The following AARS1 variants were observed in gnomAD, a reference collection of about 807,000 sequenced individuals.
AARS1 encodes alanyl-tRNA synthetase 1, also known as alanine--tRNA ligase, cytoplasmic.
In AARS1, 72 loss-of-function variants were observed where a neutral mutation model predicts 108.9. That is an observed-to-expected ratio of 0.66 (90% confidence interval 0.55 to 0.80). The LOEUF is 0.80. Ranked by LOEUF, AARS1 falls within the 30% of genes least tolerant of loss-of-function variation. The probability of loss-of-function intolerance (pLI) is 0.00; values close to 1 mark genes in which losing one functional copy is unlikely to be tolerated. For synonymous variants in AARS1, 489 were observed against 465.7 expected (o/e 1.05, Z -0.64); for missense variants, 1,193 against 1,233.2 (o/e 0.97, Z 0.49).
At chr16:70,258,721 A>G (rs1030028841) in intron 14 of AARS1, among the ~76,000 whole-genome samples, 2 of 152,246 alleles carry the variant, frequency 1.3e-5, no homozygotes, top group East Asian at 3.9e-4. Flanking sequence ...GCCCGCCACC[A>G]CGCCCGGCTA....
intron 12 of AARS1, 181 bp from the exon 13 acceptor site, chr16:70,261,338 G>A: frequency 2.1e-6 from 1 of 475,836 alleles, no homozygotes; most frequent in Non-Finnish European, 3.9e-6. Context: ...GCTCATGACT[G>A]TAATCCCAGC....
At chr16:70,286,303 G>A (rs1280147542) in intron 1 of AARS1, among the ~76,000 whole-genome samples, 1 of 152,000 alleles carries the variant, frequency 6.6e-6, no homozygotes, top group African/African-American at 2.4e-5. Context: ...CTTACTAACA[G>A]GAGCTGTAAA....
Position 70,265,206 on chromosome 16 carries a change from G to A in AARS1, c.1348-104C>T, listed in dbSNP as rs942195655. The A allele has an allele frequency of 2.8e-5, 41 of 1,440,298 alleles. No individual in the cohort carries two copies. The Admixed American group carries it at 6.6e-4, about 23-fold the overall frequency. 89.2% of individuals were successfully genotyped at this position (1,440,298 alleles called of 1,614,324 possible). ...ATGCCCAGCATAAACTGCCAGAACA[G>A]GGTTTTTCAATCCTGGCACTACTGA... On this transcript the variant is annotated intron_variant, in intron 10 of 20. Transcript: ENST00000261772.
Position 70,252,684 on chromosome 16 carries a change from G to C in AARS1, c.*37C>G. The C allele has an allele frequency of 6.2e-7, 1 of 1,609,336 alleles. No individual in the cohort carries two copies. Among genetic ancestry groups the C allele is most frequent in the Non-Finnish European group, 8.5e-7 (1 of 1,176,784 alleles). On this transcript the variant is annotated 3_prime_UTR_variant, in exon 21 of 21. Coordinates refer to ENST00000261772, the MANE Select transcript of AARS1 (RefSeq NM_001605.3). Reference sequence around the variant, plus strand: ...GTAGCAGATGAAGAGCTCTTGGCTGGACGGATGGATCCAGTGGGAGCCTCC... The same window carrying C: ...GTAGCAGATGAAGAGCTCTTGGCTGCACGGATGGATCCAGTGGGAGCCTCC...
chr16:70,255,766 G>T lies in AARS1; in HGVS notation c.2248C>A (p.Arg750=), dbSNP rs751300562. ...GCACCTGTGACAGCCACAATCCTCC[G>T]GATACCCTTGGCAATGGCTTCTTCC... ...VTEEAIAKGI[R]RIVAVTGAEA... is the part of the protein sequence containing the mutation. Residue 750 remains arginine (R), a synonymous_variant, in exon 16 of 21, where the codon CGG becomes AGG. Coordinates refer to ENST00000261772, the MANE Select transcript of AARS1 (RefSeq NM_001605.3). 2.5e-6 allele frequency: 4 copies of T among 1,614,024 alleles called. No homozygotes were observed. In the African/African-American group the frequency reaches 4.0e-5, roughly 16 times the overall value.
In AARS1 at chr16:70,269,676, C is replaced by T. The variant is rs576221121; in HGVS notation, c.904G>A (p.Ala302Thr). The change falls in exon 7 of 21, where the codon GCT becomes ACT. Residue 302 changes from alanine to threonine, a missense_variant. Coordinates refer to ENST00000261772, the MANE Select transcript of AARS1 (RefSeq NM_001605.3). ...DMAYRVLADH[A>T]RTITVALADG... ...GCCAGTGCCACAGTGATGGTCCGAG[C>T]GTGGTCAGCCAGCACCCGGTAGGCC... 3.3e-4 allele frequency: 527 copies of T among 1,614,148 alleles called. 12 individuals carry two copies. The South Asian group carries it at 4.7e-3, about 14-fold the overall frequency.
Position 70,253,981 on chromosome 16 carries a change from TGA to T in AARS1, c.2456_2457del (p.Leu819GlnfsTer9), listed in dbSNP as rs751129112. 2 of 1,614,156 alleles carry T rather than the reference TGA, an allele frequency of 1.2e-6. No individual in the cohort carries two copies. Among genetic ancestry groups the T allele is most frequent in the Non-Finnish European group, 1.7e-6 (2 of 1,180,032 alleles). On this transcript the variant is annotated frameshift_variant, in exon 18 of 21. Transcript: ENST00000261772. LOFTEE classifies it high-confidence loss of function. The part of the protein sequence containing the change: ...QWQKDELRET[L>X]KSLKKVMDDL... ...TCATCCATGACCTTCTTTAGGGATT[TGA>T]GAGTCTCCCGCAATTCATCCTTCTG...
chr16:70,260,811 T>C (rs1960114174), intron 13 of AARS1, among the ~76,000 whole-genome samples: 1 of 152,016 alleles, frequency 6.6e-6, no homozygotes, highest in African/African-American at 2.4e-5. Context: ...TATAGGCGCC[T>C]GCCACCACGC....
At chr16:70,283,333 G>T (rs1331866602) in intron 1 of AARS1, among the ~76,000 whole-genome samples, 2 of 151,758 alleles carry the variant, frequency 1.3e-5, no homozygotes, top group African/African-American at 4.8e-5. Flanking sequence ...GGAGGTGGAG[G>T]TTGCAGTGAG....
intron 4 of AARS1, 67 bp from the exon 5 acceptor site, chr16:70,272,039 A>G: frequency 4.7e-6 from 7 of 1,479,290 alleles, no homozygotes; most frequent in Non-Finnish European, 6.6e-6. Context: ...ACTTGCAACC[A>G]CCGCAAAAGA....
chr16:70,269,112 T>C (rs1402932665), intron 7 of AARS1, among the ~76,000 whole-genome samples: 2 of 150,886 alleles, frequency 1.3e-5, no homozygotes, highest in African/African-American at 2.4e-5. Context: ...TCACCTGAGG[T>C]TGGGAGTTTG....
intron 16 of AARS1, among the ~76,000 whole-genome samples, chr16:70,255,482 G>A (rs1319610427): frequency 6.6e-6 from 1 of 152,152 alleles, no homozygotes; most frequent in Admixed American, 6.5e-5. Context: ...ACAGGCGTGA[G>A]CCACTGCGTC....
At chr16:70,276,842 AT>A in intron 3 of AARS1, 123 bp downstream of exon 3, 1 of 1,253,472 alleles carries the variant, frequency 8.0e-7, no homozygotes, top group Non-Finnish European at 1.1e-6. Context: ...AATAAATGCC[AT>A]TCATTCCTGA....
At position 70,259,183 on chromosome 16, in the gene AARS1, G is replaced by C. The variant is rs768830699; in HGVS notation, c.1789C>G (p.Arg597Gly). The change falls in exon 14 of 21, where the codon CGA becomes GGA. Residue 597 changes from arginine to glycine, a missense_variant. By Grantham distance (125) the Arg-to-Gly change is moderately radical. Coordinates refer to ENST00000261772, the MANE Select transcript of AARS1 (RefSeq NM_001605.3). ...DQVWLFIDEP[R>G]RRPIMSNHTA... ...TGGTTGCTCATGATGGGTCTTCGTC[G>C]GGGCTGGAAAGGGCAGAGGGGCTCA... The C allele has an allele frequency of 1.2e-6, 2 of 1,613,940 alleles. No individual in the cohort carries two copies. The highest frequency in any genetic ancestry group is 1.7e-6 in the Non-Finnish European group (2 of 1,180,002).
chr16:70,265,509 G>C (rs771468162), intron 10 of AARS1, 29 bp downstream of exon 10: 4 of 1,613,384 alleles, frequency 2.5e-6, no homozygotes, highest in Non-Finnish European at 3.4e-6. Context: ...AAGGTGTTGG[G>C]TTTCCTGTTC....
In AARS1 at chr16:70,281,033, T is replaced by C. The variant is rs944044001; in HGVS notation, c.144+1587A>G. On this transcript the variant is annotated intron_variant, in intron 2 of 20. Transcript: ENST00000261772. ...TAATAAGAGACAGGGTTTCACCATGTTGCCTAGGCTGGTCTCGAACTTCTG... is the reference window on the plus strand; with the variant it reads ...TAATAAGAGACAGGGTTTCACCATGCTGCCTAGGCTGGTCTCGAACTTCTG... 3.9e-5 allele frequency among the ~76,000 whole-genome samples: 6 copies of C among 152,276 alleles called. No individual in the cohort carries two copies. In the East Asian group the frequency reaches 1.2e-3, roughly 29 times the overall value.
At chr16:70,266,743 A>G (rs1960273412) in intron 9 of AARS1, among the ~76,000 whole-genome samples, 2 of 151,958 alleles carry the variant, frequency 1.3e-5, no homozygotes, top group Non-Finnish European at 2.9e-5. Flanking sequence ...GCTGGTCTCA[A>G]ATTCCTGACC....
rs1057518288 is a variant in AARS1 at position 70,262,502 on chromosome 16, C to T, written c.1515G>A (p.Thr505=). 7 of 1,613,422 alleles carry T rather than the reference C, an allele frequency of 4.3e-6. No individual in the cohort carries two copies. The highest frequency in any genetic ancestry group is 2.2e-5 in the East Asian group (1 of 44,880). ...TCTTCTCCCTGCGCAGAGCCATCACCGTAGCCACTGTGTTCTCAAATACTG... is the reference window on the plus strand; with the variant it reads ...TCTTCTCCCTGCGCAGAGCCATCACTGTAGCCACTGTGTTCTCAAATACTG... The part of the protein sequence containing the change: ...GSYVFENTVA[T]VMALRREKMF... The change falls in exon 12 of 21, where the codon ACG becomes ACA. Residue 505 remains threonine, a synonymous_variant. Coordinates refer to ENST00000261772, the MANE Select transcript of AARS1 (RefSeq NM_001605.3).
At chr16:70,254,812 A>C in intron 16 of AARS1, 78 bp from the exon 17 acceptor site, 3 of 992,416 alleles carry the variant, frequency 3.0e-6, no homozygotes, top group Non-Finnish European at 4.8e-6. Context: ...CAGCTGCGGA[A>C]GCCCCGGCGG....
Sources: allele counts gnomAD v4.1 joint callset (sites outside exome capture counted in the v4.1 genomes callset), GRCh38; gene constraint gnomAD v4.1.1; transcripts MANE v1.5; gene names NCBI Gene and HGNC (gene_info 2026-07-23, HGNC 2026-07-21).